The following TNFRSF21 variants were observed in gnomAD, a reference collection of about 807,000 sequenced individuals.
TNFRSF21 encodes tumor necrosis factor receptor superfamily member 21.
A neutral mutation model predicts 45.6 loss-of-function variants in TNFRSF21; 19 were observed. The observed-to-expected ratio is 0.42, with a 90% CI of 0.29 to 0.61. The LOEUF (loss-of-function observed/expected upper bound fraction) is 0.61. Among genes scored for constraint, TNFRSF21 ranks in the 20% least tolerant of loss-of-function variants. The pLI is 0.23. For missense variants in TNFRSF21, 737 were observed against 851.5 expected (o/e 0.87, Z 1.67); for synonymous variants, 314 against 335.5 (o/e 0.94, Z 0.70).
chr6:47,288,526 G>T (rs1762678704), intron 1 of TNFRSF21, among the ~76,000 whole-genome samples: 1 of 151,256 alleles, frequency 6.6e-6, no homozygotes, highest in Non-Finnish European at 1.5e-5. Context: ...CCTTTTTAGT[G>T]TCTCTAAGTA....
intron 1 of TNFRSF21, among the ~76,000 whole-genome samples, chr6:47,288,581 AAAAAG>A (rs913118246): frequency 1.3e-5 from 2 of 151,176 alleles, no homozygotes; most frequent in African/African-American, 4.9e-5. Flanking sequence ...CATAAAAAAA[AAAAAG>A]AAAAAGAAAA....
intron 3 of TNFRSF21, among the ~76,000 whole-genome samples, chr6:47,270,075 C>T (rs1174079358): frequency 6.6e-6 from 1 of 152,164 alleles, no homozygotes; most frequent in Non-Finnish European, 1.5e-5. Flanking sequence ...AAACACATAA[C>T]TTAAGAAAGT....
chr6:47,293,367 G>A (rs1582357003), intron 1 of TNFRSF21, among the ~76,000 whole-genome samples: 5 of 152,188 alleles, frequency 3.3e-5, no homozygotes, highest in African/African-American at 7.2e-5. Context: ...TTATAAACAC[G>A]TTTATTGGAA....
Position 47,232,503 on chromosome 6 carries a change from G to C in TNFRSF21, c.*262C>G, listed in dbSNP as rs1216836150. ...GGAACTTAAAAAACTTTAGTGGTGGGTATTTCACAACAGTTACACCTGGCA... is the reference window on the plus strand; with the variant it reads ...GGAACTTAAAAAACTTTAGTGGTGGCTATTTCACAACAGTTACACCTGGCA... On this transcript the variant is annotated 3_prime_UTR_variant, in exon 6 of 6. Coordinates refer to ENST00000296861, the MANE Select transcript of TNFRSF21 (RefSeq NM_014452.5). 5 of 403,484 alleles carry C rather than the reference G, an allele frequency of 1.2e-5. No individual in the cohort carries two copies. The Admixed American group carries it at 2.1e-4, about 17-fold the overall frequency. 25.0% of individuals were successfully genotyped at this position (403,484 alleles called of 1,614,324 possible). A position where few individuals can be genotyped will look rare whatever the true frequency, so the allele number is the denominator to read the frequency against.
Position 47,286,253 on chromosome 6 carries a change from G to A in TNFRSF21, c.439C>T (p.His147Tyr), listed in dbSNP as rs761043320. ...CCCCAACCCACAGGACACACCGTAT[G>A]GGGGGCACAGGTAGCGTTAGACTGG... ...MFQSNATCAP[H>Y]TVCPVGWGVR... The change falls in exon 2 of 6, where the codon CAT becomes TAT. Residue 147 changes from histidine (H) to tyrosine (Y), a missense_variant. His to Tyr is a moderately conservative substitution (Grantham distance 83). Coordinates refer to ENST00000296861, the MANE Select transcript of TNFRSF21 (RefSeq NM_014452.5). The A allele has an allele frequency of 2.5e-6, 4 of 1,614,210 alleles. No individual in the cohort carries two copies. The highest frequency in any genetic ancestry group is 3.4e-6 in the Non-Finnish European group (4 of 1,180,038).
chr6:47,246,701 G>A (rs1194144053), intron 4 of TNFRSF21, among the ~76,000 whole-genome samples: 2 of 152,110 alleles, frequency 1.3e-5, no homozygotes, highest in Non-Finnish European at 2.9e-5. Context: ...TCTTTGCAGA[G>A]TCAAAGATTT....
chr6:47,308,955 C>A (rs1174327912), intron 1 of TNFRSF21, among the ~76,000 whole-genome samples: 1 of 152,190 alleles, frequency 6.6e-6, no homozygotes, highest in Non-Finnish European at 1.5e-5. Flanking sequence ...GCGGTAGCAT[C>A]CCGACATGAC....
chr6:47,260,235 A>G (rs913087960), intron 3 of TNFRSF21, among the ~76,000 whole-genome samples: 3 of 151,546 alleles, frequency 2.0e-5, no homozygotes, highest in African/African-American at 7.3e-5. Context: ...GGAACCTCAC[A>G]CGTACATGTT....
intron 3 of TNFRSF21, among the ~76,000 whole-genome samples, chr6:47,283,058 T>C (rs1762592482): frequency 6.6e-6 from 1 of 152,186 alleles, no homozygotes. Context: ...AAACTGCTTT[T>C]TAGAAAAATA....
chr6:47,238,720 G>A (rs1259800193), intron 4 of TNFRSF21, among the ~76,000 whole-genome samples: 4 of 152,164 alleles, frequency 2.6e-5, no homozygotes, highest in African/African-American at 7.2e-5. Flanking sequence ...TCCTTTCCGA[G>A]CACCTCTACC....
In TNFRSF21 at chr6:47,299,990, A is replaced by G. The variant is rs139341280; in HGVS notation, c.96+9426T>C. ...AGGAACACACCTTGGGGAAACAACC[A>G]AAAAGGAAAAAGAGCAATTGGTTTA... On this transcript the variant is annotated intron_variant, in intron 1 of 5. Transcript: ENST00000296861. Among the ~76,000 whole-genome samples the G allele has an allele frequency of 7.3e-4, 111 of 152,326 alleles. 1 individual carries two copies. The East Asian group carries it at 0.017, about 23-fold the overall frequency.
At chr6:47,270,349 A>G (rs1027403085) in intron 3 of TNFRSF21, among the ~76,000 whole-genome samples, 4 of 152,204 alleles carry the variant, frequency 2.6e-5, no homozygotes, top group African/African-American at 9.6e-5. Context: ...TGCAACATCC[A>G]CTGGTGATAC....
At chr6:47,280,031 A>T (rs1054719857) in intron 3 of TNFRSF21, among the ~76,000 whole-genome samples, 1 of 152,212 alleles carries the variant, frequency 6.6e-6, no homozygotes, top group African/African-American at 2.4e-5. Flanking sequence ...TTTAAAAACT[A>T]TAAGTCCATG....
chr6:47,252,672 C>G (rs558791795), intron 4 of TNFRSF21, among the ~76,000 whole-genome samples: 46 of 152,324 alleles, frequency 3.0e-4, no homozygotes, highest in African/African-American at 1.1e-3. Flanking sequence ...CCAGCGCTGT[C>G]TGGCTCCAAA....
At chr6:47,303,740 G>T (rs577879721) in intron 1 of TNFRSF21, among the ~76,000 whole-genome samples, 9 of 152,186 alleles carry the variant, frequency 5.9e-5, no homozygotes, top group Non-Finnish European at 1.3e-4. Context: ...AAATGAAGGT[G>T]GTAAGAAAGC....
At chr6:47,306,916 C>T (rs151115606) in intron 1 of TNFRSF21, among the ~76,000 whole-genome samples, 79 of 152,308 alleles carry the variant, frequency 5.2e-4, no homozygotes, top group Non-Finnish European at 7.9e-4. Context: ...TACCCTGCCA[C>T]GTGTACCCAG....
At chr6:47,265,179 C>G (rs1197456336) in intron 3 of TNFRSF21, among the ~76,000 whole-genome samples, 2 of 152,084 alleles carry the variant, frequency 1.3e-5, no homozygotes, top group Admixed American at 6.5e-5. Context: ...CTTAAAACAG[C>G]CTTGTAGAGC....
chr6:47,292,482 C>G (rs530155431), intron 1 of TNFRSF21, among the ~76,000 whole-genome samples: 25 of 152,086 alleles, frequency 1.6e-4, no homozygotes, highest in Non-Finnish European at 3.1e-4. Flanking sequence ...TATTTTTAAG[C>G]TTTCCAAGTG....
At chr6:47,295,338 T>C (rs1046787663) in intron 1 of TNFRSF21, among the ~76,000 whole-genome samples, 1 of 152,234 alleles carries the variant, frequency 6.6e-6, no homozygotes, top group African/African-American at 2.4e-5. Context: ...GTCATTCTTG[T>C]TCCCTATCAA....
Sources: gnomAD v4.1 joint callset for allele counts (sites outside exome capture counted in the v4.1 genomes callset) on GRCh38, gnomAD v4.1.1 for gene constraint, MANE v1.5 for transcripts, NCBI Gene and HGNC (gene_info 2026-07-23, HGNC 2026-07-21) for gene names.